The following LRRC58 variants were observed in gnomAD, a reference collection of about 807,000 sequenced individuals.
LRRC58 encodes leucine rich repeat containing 58.
In LRRC58, 18 loss-of-function variants were observed where a neutral mutation model predicts 30.6. The observed-to-expected ratio is 0.59, with a 90% CI of 0.41 to 0.87. LRRC58 has a LOEUF of 0.87. LRRC58 is among the 40% of genes least tolerant of loss of function. The pLI, the probability that LRRC58 is intolerant of heterozygous loss-of-function variation, is 0.00. For missense variants in LRRC58, 420 were observed against 468.4 expected (o/e 0.90, Z 0.95); for synonymous variants, 221 against 206.0 (o/e 1.07, Z -0.62).
Position 120,349,170 on chromosome 3 carries a change from G to A in LRRC58, c.74C>T (p.Thr25Ile). 6.7e-7 allele frequency: 1 copy of A among 1,498,332 alleles called. No individual in the cohort carries two copies. Among genetic ancestry groups the A allele is most frequent in the Non-Finnish European group, 8.8e-7 (1 of 1,132,356 alleles). 92.8% of individuals were successfully genotyped at this position (1,498,332 alleles called of 1,614,324 possible). A position where few individuals can be genotyped will look rare whatever the true frequency, so the allele number is the denominator to read the frequency against. Residue 25 changes from threonine (T) to isoleucine (I), a missense_variant, in exon 1 of 4, where the codon ACC becomes ATC. Physicochemically the swap from Thr to Ile is moderately conservative, Grantham distance 89 (BLOSUM62 -1). Coordinates refer to ENST00000295628, the MANE Select transcript of LRRC58 (RefSeq NM_001099678.2). ...CTCCAGCTCAGACTCCAGCGTCTCG[G>A]TGGACACGCTGAGGCGGGACCAGTT... ...ELNWSRLSVS[T>I]ETLESELEAR...
chr3:120,342,478 AC>A (rs1375283811), intron 1 of LRRC58, among the ~76,000 whole-genome samples: 1 of 152,082 alleles, frequency 6.6e-6, no homozygotes, highest in Non-Finnish European at 1.5e-5. Flanking sequence ...GGAGAGAGGA[AC>A]CACCCTCTCA....
intron 1 of LRRC58, among the ~76,000 whole-genome samples, chr3:120,338,487 A>G (rs1242105169): frequency 6.6e-6 from 1 of 152,252 alleles, no homozygotes; most frequent in African/African-American, 2.4e-5. Context: ...CATGTCCATT[A>G]TGCCAGATAG....
chr3:120,342,357 G>A (rs990594904), intron 1 of LRRC58, among the ~76,000 whole-genome samples: 2 of 152,196 alleles, frequency 1.3e-5, no homozygotes, highest in African/African-American at 2.4e-5. Context: ...AAAGCCCTGG[G>A]CTCAGCCAGA....
chr3:120,336,211 CA>C (rs1205900271), intron 1 of LRRC58, among the ~76,000 whole-genome samples: 1 of 151,984 alleles, frequency 6.6e-6, no homozygotes, highest in Non-Finnish European at 1.5e-5. Context: ...ATTACAATAC[CA>C]AAATAAGAGA....
chr3:120,338,141 C>T (rs1935858762), intron 1 of LRRC58, among the ~76,000 whole-genome samples: 1 of 152,152 alleles, frequency 6.6e-6, no homozygotes, highest in African/African-American at 2.4e-5. Flanking sequence ...CGGTGCCTGG[C>T]CTCTATTTTT....
At position 120,331,335 on chromosome 3, in the gene LRRC58, C is replaced by CA. The variant is rs1935753032; in HGVS notation, c.980dup (p.Met327IlefsTer25). On this transcript the variant is annotated frameshift_variant, in exon 4 of 4. Coordinates refer to ENST00000295628, the MANE Select transcript of LRRC58 (RefSeq NM_001099678.2). LOFTEE classifies it high-confidence loss of function. ...AACATTCTGGTGAACACAAGTAGTG[C>CA]ATCAGTGGGAGGCGATACTTCCCAC... 1 of 1,613,958 alleles carries CA rather than the reference C, an allele frequency of 6.2e-7. No homozygotes were observed. Among genetic ancestry groups the CA allele is most frequent in the African/African-American group, 1.3e-5 (1 of 75,046 alleles).
At chr3:120,336,427 T>C (rs145209542) in intron 1 of LRRC58, among the ~76,000 whole-genome samples, 178 of 152,270 alleles carry the variant, frequency 1.2e-3, no homozygotes, top group African/African-American at 4.1e-3. Context: ...TACCTGTTAA[T>C]AGAAGAAAAT....
At chr3:120,341,945 T>C (rs1559995321) in intron 1 of LRRC58, among the ~76,000 whole-genome samples, 1 of 152,098 alleles carries the variant, frequency 6.6e-6, no homozygotes, top group Non-Finnish European at 1.5e-5. Context: ...AGGACCTGCC[T>C]TCCCGCGAGC....
intron 2 of LRRC58, among the ~76,000 whole-genome samples, 169 bp downstream of exon 2, chr3:120,335,656 T>A (rs929631384): frequency 1.3e-5 from 2 of 152,148 alleles, no homozygotes; most frequent in Non-Finnish European, 2.9e-5. Flanking sequence ...CATTTAAAAG[T>A]GAAATTAAAA....
At chr3:120,348,656 G>A (rs1936007982) in intron 1 of LRRC58, 88 bp downstream of exon 1, 6 of 1,391,150 alleles carry the variant, frequency 4.3e-6, no homozygotes, top group Non-Finnish European at 5.7e-6. Context: ...ATAGTTACGT[G>A]ACAAACGTTG....
rs1008983277 is a variant in LRRC58 at position 120,328,875 on chromosome 3, G to C, written c.*2325C>G. On this transcript the variant is annotated 3_prime_UTR_variant, in exon 4 of 4. Transcript: ENST00000295628. ...AAGACAGTTGTATGCTGATCATAGAGTTTTCAACTATACATAGAACCATAA... is the reference window on the plus strand; with the variant it reads ...AAGACAGTTGTATGCTGATCATAGACTTTTCAACTATACATAGAACCATAA... 1 of 152,138 alleles carries C rather than the reference G, an allele frequency of 6.6e-6. No individual in the cohort carries two copies. The highest frequency in any genetic ancestry group is 1.5e-5 in the Non-Finnish European group (1 of 68,000). 9.4% of individuals were successfully genotyped at this position (152,138 alleles called of 1,614,324 possible). A position where few individuals can be genotyped will look rare whatever the true frequency, so the allele number is the denominator to read the frequency against.
intron 1 of LRRC58, among the ~76,000 whole-genome samples, chr3:120,346,785 C>T (rs957441294): frequency 3.9e-5 from 6 of 152,318 alleles, no homozygotes; most frequent in African/African-American, 1.2e-4. Context: ...ATCTCTCATC[C>T]TATTACAATG....
intron 1 of LRRC58, among the ~76,000 whole-genome samples, chr3:120,339,425 G>A (rs922764988): frequency 6.6e-6 from 1 of 152,016 alleles, no homozygotes; most frequent in Non-Finnish European, 1.5e-5. Context: ...TTGGAGGCTT[G>A]TTATTTAAGG....
At chr3:120,347,376 A>ATTTTTTTTTTTTTTTTTTTTTT (rs1208688984) in intron 1 of LRRC58, among the ~76,000 whole-genome samples, 3 of 51,098 alleles carry the variant, frequency 5.9e-5, no homozygotes, top group African/African-American at 1.7e-4. Context: ...CCAGGCCAAT[A>ATTTTTTTTTTTTTTTTTTTTTT]TTCTTTTTTT....
At chr3:120,341,891 G>A (rs1303730529) in intron 1 of LRRC58, among the ~76,000 whole-genome samples, 1 of 152,056 alleles carries the variant, frequency 6.6e-6, no homozygotes, top group Non-Finnish European at 1.5e-5. Context: ...TGCAACTGTG[G>A]ATCTGAGCCT....
In LRRC58 at chr3:120,331,021, G is replaced by C; in HGVS notation, c.*179C>G. The C allele has an allele frequency of 1.7e-6, 1 of 597,270 alleles. No individual in the cohort carries two copies. The highest frequency in any genetic ancestry group is 3.0e-6 in the Non-Finnish European group (1 of 329,870). The allele number at this position is 597,270 out of a possible 1,614,324, so 37.0% of individuals were successfully genotyped here. A position where few individuals can be genotyped will look rare whatever the true frequency, so the allele number is the denominator to read the frequency against. On this transcript the variant is annotated 3_prime_UTR_variant, in exon 4 of 4. Coordinates refer to ENST00000295628, the MANE Select transcript of LRRC58 (RefSeq NM_001099678.2). ...AATTATGTTAAAATAATCTAAACAT[G>C]GGACTGGACTCATTCTTGCTGAATG...
At chr3:120,331,843 A>G (rs1935761857) in intron 3 of LRRC58, among the ~76,000 whole-genome samples, 1 of 152,198 alleles carries the variant, frequency 6.6e-6, no homozygotes, top group Non-Finnish European at 1.5e-5. Flanking sequence ...AATTTTCAGA[A>G]AGGGGATGAC....
At chr3:120,348,503 C>T (rs960239856) in intron 1 of LRRC58, among the ~76,000 whole-genome samples, 6 of 152,170 alleles carry the variant, frequency 3.9e-5, no homozygotes, top group African/African-American at 1.4e-4. Context: ...ATAAGGAAGA[C>T]AGAAAAAATG....
At chr3:120,342,402 G>A (rs1935915670) in intron 1 of LRRC58, among the ~76,000 whole-genome samples, 1 of 152,244 alleles carries the variant, frequency 6.6e-6, no homozygotes. Flanking sequence ...GAGAGAAGAT[G>A]GGATGGGGTG....
Sources: allele counts gnomAD v4.1 joint callset (sites outside exome capture counted in the v4.1 genomes callset), GRCh38; gene constraint gnomAD v4.1.1; transcripts MANE v1.5; gene names NCBI Gene and HGNC (gene_info 2026-07-23, HGNC 2026-07-21).